The following FGF12 variants were observed in gnomAD, a reference collection of about 807,000 sequenced individuals.
The protein encoded by FGF12 is fibroblast growth factor 12.
A neutral mutation model predicts 23.6 loss-of-function variants in FGF12; 14 were observed. That is an observed-to-expected ratio of 0.59 (90% CI 0.39 to 0.93). The LOEUF (loss-of-function observed/expected upper bound fraction) is 0.93, where lower values mean the gene tolerates loss of function less well. Among genes scored for constraint, FGF12 ranks in the 40% least tolerant of loss-of-function variants. FGF12 has a pLI of 0.00. For missense variants in FGF12, 175 were observed against 217.8 expected, an observed-to-expected ratio of 0.80 and a Z score of 1.24; for synonymous variants, 62 against 77.3, an observed-to-expected ratio of 0.80 and a Z score of 1.04.
At position 192,154,102 on chromosome 3, in the gene FGF12, G is replaced by A. The variant is rs1441786436; in HGVS notation, c.428-9975C>T. 1.7e-5 allele frequency among the ~76,000 whole-genome samples: 2 copies of A among 117,050 alleles called. 1 individual carries two copies. Among genetic ancestry groups the A allele is most frequent in the African/African-American group, 6.4e-5 (2 of 31,050 alleles). The allele number at this position is 117,050 out of a possible 152,430, so 76.8% of individuals were successfully genotyped here. A position where few individuals can be genotyped will look rare whatever the true frequency, so the allele number is the denominator to read the frequency against. On this transcript the variant is annotated intron_variant, in intron 5 of 5. Coordinates refer to ENST00000445105, the MANE Select transcript of FGF12 (RefSeq NM_004113.6). ...GCTGATACCCTTCTTCCAGTTGATC[G>A]CATCGGCTCCTGAGGCTTCTGCATT...
chr3:192,454,875 A>C lies in FGF12; in HGVS notation c.14-94337T>G, dbSNP rs148328017. 2.4e-4 allele frequency among the ~76,000 whole-genome samples: 36 copies of C among 152,334 alleles called. No individual in the cohort carries two copies. In the East Asian group the frequency reaches 3.5e-3, roughly 15 times the overall value. On this transcript the variant is annotated intron_variant, in intron 2 of 5. Transcript: ENST00000445105. Reference sequence around the variant, plus strand: ...GACAATCAATTGTGAGCTCAACAATAAGACGGACATTACAAGGCTCAACAT... The same window carrying C: ...GACAATCAATTGTGAGCTCAACAATCAGACGGACATTACAAGGCTCAACAT...
At chr3:192,678,680 C>A (rs1717413260) in intron 2 of FGF12, among the ~76,000 whole-genome samples, 1 of 152,168 alleles carries the variant, frequency 6.6e-6, no homozygotes, top group Admixed American at 6.5e-5. Context: ...CGAAGCCCAC[C>A]ATATTCCCTT....
intron 2 of FGF12, among the ~76,000 whole-genome samples, chr3:192,523,556 C>A (rs570056399): frequency 9.2e-5 from 14 of 152,194 alleles, no homozygotes; most frequent in African/African-American, 3.4e-4. Context: ...AGAGCCCTAC[C>A]CAAGTCTGAT....
chr3:192,591,018 C>A (rs1020893336), intron 2 of FGF12, among the ~76,000 whole-genome samples: 4 of 151,538 alleles, frequency 2.6e-5, no homozygotes, highest in Non-Finnish European at 5.9e-5. Context: ...CCTCAAGGGG[C>A]CTTGCCTTCC....
At chr3:192,615,060 T>C (rs1054868486) in intron 2 of FGF12, among the ~76,000 whole-genome samples, 8 of 151,988 alleles carry the variant, frequency 5.3e-5, no homozygotes, top group African/African-American at 1.9e-4. Context: ...CTGTGTACTC[T>C]TCATGTGTCA....
chr3:192,167,433 A>G (rs1283724690), intron 5 of FGF12, among the ~76,000 whole-genome samples: 2 of 152,098 alleles, frequency 1.3e-5, no homozygotes, highest in East Asian at 3.9e-4. Context: ...AGTTGTAAAT[A>G]AGCCGTAGCA....
intron 4 of FGF12, among the ~76,000 whole-genome samples, chr3:192,292,861 C>G (rs1012111252): frequency 3.3e-5 from 5 of 152,258 alleles, no homozygotes; most frequent in Admixed American, 6.5e-5. Flanking sequence ...ACTACAGCCT[C>G]GACCTCCTGA....
intron 2 of FGF12, chr3:192,516,588 A>G (rs1051640431): frequency 6.6e-6 from 1 of 152,254 alleles, no homozygotes; most frequent in African/African-American, 2.4e-5. Context: ...AAGAAAAACC[A>G]GAACATCTGG....
At chr3:192,711,163 A>C (rs1363937647) in intron 2 of FGF12, among the ~76,000 whole-genome samples, 2 of 152,350 alleles carry the variant, frequency 1.3e-5, no homozygotes, top group African/African-American at 4.8e-5. Flanking sequence ...AAAACAAACA[A>C]AAAGCTTACT....
At chr3:192,664,802 G>T (rs1716802682) in intron 2 of FGF12, among the ~76,000 whole-genome samples, 1 of 151,858 alleles carries the variant, frequency 6.6e-6, no homozygotes, top group South Asian at 2.1e-4. Flanking sequence ...CAAAAAGCCA[G>T]CCCCAAATAG....
intron 3 of FGF12, among the ~76,000 whole-genome samples, chr3:192,343,180 A>C (rs1293838728): frequency 6.6e-6 from 1 of 152,134 alleles, no homozygotes; most frequent in Non-Finnish European, 1.5e-5. Context: ...TATTTTGTCA[A>C]ATGGCCAATA....
At chr3:192,251,089 C>G (rs572878106) in intron 4 of FGF12, among the ~76,000 whole-genome samples, 1 of 152,076 alleles carries the variant, frequency 6.6e-6, no homozygotes, top group Non-Finnish European at 1.5e-5. Flanking sequence ...AATAATGGAG[C>G]TACTGGGACA....
At chr3:192,286,814 T>C (rs1486681980) in intron 4 of FGF12, among the ~76,000 whole-genome samples, 1 of 151,938 alleles carries the variant, frequency 6.6e-6, no homozygotes, top group Admixed American at 6.6e-5. Context: ...TAGCAGAGGG[T>C]TTTGACCACT....
chr3:192,165,247 G>A (rs79503936), intron 5 of FGF12, among the ~76,000 whole-genome samples: 10,038 of 151,812 alleles, frequency 0.066, 410 homozygotes, highest in African/African-American at 0.096. Context: ...GAGCCACTGC[G>A]TCTGTCCTAA....
rs562072929 is a variant in FGF12 at position 192,304,524 on chromosome 3, C to A, written c.228+30837G>T. On this transcript the variant is annotated intron_variant, in intron 4 of 5. Coordinates refer to ENST00000445105, the MANE Select transcript of FGF12 (RefSeq NM_004113.6). ...TCTCTCCTGCATAGAAAGGAAAGAC[C>A]AGGAAATTTTTTTAAAGGACCTACA... Among the ~76,000 whole-genome samples the A allele has an allele frequency of 2.0e-5, 3 of 151,916 alleles. No individual in the cohort carries two copies. In the East Asian group the frequency reaches 5.8e-4, roughly 29 times the overall value.
At chr3:192,572,476 A>G (rs1712686277) in intron 2 of FGF12, among the ~76,000 whole-genome samples, 1 of 152,244 alleles carries the variant, frequency 6.6e-6, no homozygotes, top group African/African-American at 2.4e-5. Context: ...AGGACACAAT[A>G]AGGAAAAATG....
At chr3:192,687,641 C>T (rs887040219) in intron 2 of FGF12, among the ~76,000 whole-genome samples, 2 of 152,148 alleles carry the variant, frequency 1.3e-5, no homozygotes, top group African/African-American at 4.8e-5. Flanking sequence ...CAGGCTAGGG[C>T]ATGCACCCAA....
In FGF12 at chr3:192,507,139, G is replaced by A. The variant is rs111588959; in HGVS notation, c.14-146601C>T. Among the ~76,000 whole-genome samples, 84 of 151,562 alleles carry A rather than the reference G, an allele frequency of 5.5e-4. 1 individual carries two copies. The highest frequency in any genetic ancestry group is 1.8e-3 in the African/African-American group (75 of 41,310). ...GATCTCCTGACCTCGTGATCTGCCC[G>A]CCTCGGCCTCCCAGAGTGCTGGGAT... On this transcript the variant is annotated intron_variant, in intron 2 of 5. Transcript: ENST00000445105.
intron 2 of FGF12, among the ~76,000 whole-genome samples, chr3:192,719,589 CA>C (rs1158775956): frequency 6.6e-6 from 1 of 151,930 alleles, no homozygotes; most frequent in East Asian, 1.9e-4. Context: ...AAACCAAATT[CA>C]ATTTTAAATA....
Sources: allele counts gnomAD v4.1 joint callset (sites outside exome capture counted in the v4.1 genomes callset), GRCh38; gene constraint gnomAD v4.1.1; transcripts MANE v1.5; gene names NCBI Gene and HGNC (gene_info 2026-07-23, HGNC 2026-07-21).